The following GLT1D1 variants were observed in gnomAD, a reference collection of about 807,000 sequenced individuals.
GLT1D1 encodes the protein glycosyltransferase 1 domain-containing protein 1.
A neutral mutation model predicts 28.7 loss-of-function variants in GLT1D1; 21 were observed. The observed-to-expected ratio is 0.73, with a 90% CI of 0.52 to 1.05. The LOEUF (loss-of-function observed/expected upper bound fraction) is 1.05, where lower values mean the gene tolerates loss of function less well. Ranked by LOEUF, GLT1D1 falls within the 50% of genes least tolerant of loss-of-function variation. GLT1D1 has a pLI of 0.00. For synonymous variants in GLT1D1, 147 were observed against 124.8 expected (o/e 1.18, Z -1.19); for missense variants, 343 against 330.6 (o/e 1.04, Z -0.29).
chr12:128,946,065 G>GT (rs1301854605), intron 5 of GLT1D1, among the ~76,000 whole-genome samples: 2 of 152,162 alleles, frequency 1.3e-5, no homozygotes, highest in African/African-American at 2.4e-5. Context: ...GACAAAGACT[G>GT]TTTTTTCCCC....
intron 4 of GLT1D1, among the ~76,000 whole-genome samples, chr12:128,941,569 C>CT (rs550204231): frequency 0.29 from 31,370 of 107,642 alleles, 5,500 homozygotes; most frequent in East Asian, 0.41. Context: ...CTCTCTTTCT[C>CT]TTTTTTTTTT....
At chr12:128,942,195 G>A (rs1006245296) in intron 4 of GLT1D1, among the ~76,000 whole-genome samples, 2 of 151,752 alleles carry the variant, frequency 1.3e-5, no homozygotes, top group Non-Finnish European at 1.5e-5. Flanking sequence ...CCCTGTGAAG[G>A]ACCAAGGACA....
At position 128,951,632 on chromosome 12, in the gene GLT1D1, G is replaced by A. The variant is rs574030954; in HGVS notation, c.540+4174G>A. 3.5e-3 allele frequency among the ~76,000 whole-genome samples: 540 copies of A among 152,212 alleles called. 3 individuals carry two copies. The highest frequency in any genetic ancestry group is 5.6e-3 in the Admixed American group (86 of 15,280). On this transcript the variant is annotated intron_variant, in intron 6 of 7. Transcript: ENST00000281703. ...CGTCCCAAGCCTGTGAGTCATGCAC[G>A]GTGCCCTCCTGTGGACTCATGGGGC...
intron 4 of GLT1D1, 43 bp from the exon 6 acceptor site, chr12:128,914,890 C>T (rs760757832): frequency 1.7e-5 from 24 of 1,386,584 alleles, no homozygotes; most frequent in Non-Finnish European, 2.0e-5. Flanking sequence ...TTTCAGCAGT[C>T]GCTTCAAAGT....
intron 7 of GLT1D1, among the ~76,000 whole-genome samples, chr12:128,964,703 G>C (rs891375268): frequency 6.6e-6 from 1 of 152,138 alleles, no homozygotes; most frequent in Non-Finnish European, 1.5e-5. Context: ...GCCAGACCTG[G>C]AGACTCGTCA....
chr12:128,878,639 A>G (rs1956929611), intron 2 of GLT1D1, among the ~76,000 whole-genome samples: 1 of 151,260 alleles, frequency 6.6e-6, no homozygotes, highest in African/African-American at 2.4e-5. Context: ...ACAGGGTCTC[A>G]CTCTGTTACC....
Position 128,964,648 on chromosome 12 carries a change from A to G in GLT1D1, c.639+7005A>G, listed in dbSNP as rs947115806. 2.6e-5 allele frequency among the ~76,000 whole-genome samples: 4 copies of G among 152,208 alleles called. No individual in the cohort carries two copies. The East Asian group carries it at 5.8e-4, about 22-fold the overall frequency. ...TAATCACCGTTGGACCTGTGGGAGA[A>G]CTGAAGCATGGAGAAACCCAGTTAA... On this transcript the variant is annotated intron_variant, in intron 7 of 7. Transcript: ENST00000281703.
chr12:128,891,033 C>T (rs917646829), intron 3 of GLT1D1, among the ~76,000 whole-genome samples: 84 of 150,106 alleles, frequency 5.6e-4, no homozygotes, highest in Admixed American at 4.9e-3. Flanking sequence ...CAAAAGAACC[C>T]GGGAGGTGTT....
intron 3 of GLT1D1, among the ~76,000 whole-genome samples, chr12:128,894,461 G>T (rs1395576829): frequency 6.6e-6 from 1 of 152,082 alleles, no homozygotes; most frequent in Admixed American, 6.5e-5. Context: ...TTTGCACTGC[G>T]TCTTGTTTAT....
intron 7 of GLT1D1, among the ~76,000 whole-genome samples, chr12:128,971,917 G>A (rs1184805126): frequency 7.9e-6 from 1 of 126,656 alleles, no homozygotes; most frequent in Non-Finnish European, 1.6e-5. Context: ...TCATCGTTCC[G>A]CATTAGTGAG....
intron 7 of GLT1D1, among the ~76,000 whole-genome samples, chr12:128,958,343 T>G (rs1877506474): frequency 6.6e-6 from 1 of 152,120 alleles, no homozygotes; most frequent in Non-Finnish European, 1.5e-5. Flanking sequence ...AATACTTGCC[T>G]CTTAGAGTTG....
chr12:128,980,009 TTGAAAAAC>T (rs777838647), intron 7 of GLT1D1, among the ~76,000 whole-genome samples: 4 of 152,238 alleles, frequency 2.6e-5, no homozygotes, highest in Non-Finnish European at 4.4e-5. Flanking sequence ...TCTCACACCA[TTGAAAAAC>T]TGAAAAACCT....
chr12:128,923,480 C>T (rs1443606893), intron 4 of GLT1D1, among the ~76,000 whole-genome samples: 1 of 151,968 alleles, frequency 6.6e-6, no homozygotes, highest in African/African-American at 2.4e-5. Flanking sequence ...TCAGCTTTTT[C>T]CTGTATCTGC....
At chr12:128,882,068 T>C (rs1374421783) in intron 2 of GLT1D1, among the ~76,000 whole-genome samples, 1 of 152,136 alleles carries the variant, frequency 6.6e-6, no homozygotes, top group East Asian at 1.9e-4. Context: ...AAGTTATAAC[T>C]AGTCACATTT....
chr12:128,951,029 C>T (rs1234568886), intron 6 of GLT1D1, among the ~76,000 whole-genome samples: 1 of 152,202 alleles, frequency 6.6e-6, no homozygotes, highest in African/African-American at 2.4e-5. Context: ...TAAGTGTTCT[C>T]ACCACACAAA....
intron 7 of GLT1D1, among the ~76,000 whole-genome samples, chr12:128,966,783 G>T (rs1289229728): frequency 1.1e-5 from 1 of 91,246 alleles, no homozygotes; most frequent in Non-Finnish European, 2.4e-5. Context: ...TGAATAAAAA[G>T]CCATTTTTAA....
chr12:128,930,731 C>T (rs546727994), intron 4 of GLT1D1, among the ~76,000 whole-genome samples: 1 of 152,272 alleles, frequency 6.6e-6, no homozygotes, highest in East Asian at 1.9e-4. Context: ...GAGCCCTCTT[C>T]CAGAGAAGTA....
At chr12:128,879,599 G>A (rs1956989080) in intron 2 of GLT1D1, among the ~76,000 whole-genome samples, 1 of 151,852 alleles carries the variant, frequency 6.6e-6, no homozygotes, top group South Asian at 2.1e-4. Context: ...GGGATTAACA[G>A]GTGTGCACCA....
intron 4 of GLT1D1, among the ~76,000 whole-genome samples, chr12:128,919,127 G>A (rs958731201): frequency 6.6e-6 from 1 of 152,150 alleles, no homozygotes; most frequent in Non-Finnish European, 1.5e-5. Flanking sequence ...GCCATCGTTT[G>A]TCTTTGTCGT....
Sources: allele counts gnomAD v4.1 joint callset (sites outside exome capture counted in the v4.1 genomes callset), GRCh38; gene constraint gnomAD v4.1.1; transcripts MANE v1.5; gene names NCBI Gene and HGNC (gene_info 2026-07-23, HGNC 2026-07-21).